TULP2: variants seen among roughly 807,000 people sequenced by gnomAD.
TULP2 encodes the protein TUB like protein 2.
TULP2 carries 64 observed loss-of-function variants against 60.3 expected under a neutral mutation model. The observed-to-expected ratio is 1.06, with a 90% confidence interval of 0.87 to 1.31. The LOEUF (loss-of-function observed/expected upper bound fraction) is 1.31. Among genes scored for constraint, TULP2 ranks in the 50% most tolerant of loss-of-function variants. The pLI is 0.00. For synonymous variants in TULP2, 267 were observed against 265.4 expected (o/e 1.01, Z -0.06); for missense variants, 652 against 667.0 (o/e 0.98, Z 0.25).
At chr19:48,890,883 G>A (rs2037226369) in intron 6 of TULP2, among the ~76,000 whole-genome samples, 1 of 152,082 alleles carries the variant, frequency 6.6e-6, no homozygotes, top group Non-Finnish European at 1.5e-5. Context: ...ATGGGGGGAT[G>A]GAGTTTGGGG....
chr19:48,884,120 G>T, intron 9 of TULP2, 74 bp from the exon 10 acceptor site: 2 of 1,212,306 alleles, frequency 1.6e-6, no homozygotes, highest in East Asian at 2.4e-5. Flanking sequence ...TCATCGCATC[G>T]ACTCTTCCCA....
At chr19:48,895,254 G>A in intron 5 of TULP2, 92 bp from the exon 6 acceptor site, 1 of 1,571,756 alleles carries the variant, frequency 6.4e-7, no homozygotes, top group Middle Eastern at 1.7e-4. Flanking sequence ...GAAGGAGTGG[G>A]TGCGGTCCTG....
chr19:48,895,538 C>A, intron 4 of TULP2, 35 bp from the exon 5 acceptor site: 1 of 1,578,650 alleles, frequency 6.3e-7, no homozygotes, highest in South Asian at 1.1e-5. Context: ...TGAAAACGAT[C>A]TACAAATTCC....
At chr19:48,883,141 C>T (rs1365199057) in intron 11 of TULP2, among the ~76,000 whole-genome samples, 2 of 151,696 alleles carry the variant, frequency 1.3e-5, no homozygotes, top group African/African-American at 4.8e-5. Context: ...ATGGCGTGAG[C>T]CGGGGAGGTC....
At chr19:48,888,622 CCTTTT>C (rs2037205146) in intron 7 of TULP2, among the ~76,000 whole-genome samples, 6 of 152,042 alleles carry the variant, frequency 3.9e-5, no homozygotes, top group Admixed American at 3.9e-4. Flanking sequence ...GCCAGTTGGC[CCTTTT>C]CTTTTATTTT....
chr19:48,887,406 C>G (rs1699340365), intron 8 of TULP2, among the ~76,000 whole-genome samples: 1 of 141,178 alleles, frequency 7.1e-6, no homozygotes, highest in South Asian at 2.3e-4. Flanking sequence ...CTCACTGCAG[C>G]CTTGAACTCC....
Position 48,898,620 on chromosome 19 carries a change from A to G in TULP2, c.-32T>C, listed in dbSNP as rs140543400. 49 of 152,040 alleles carry G rather than the reference A, an allele frequency of 3.2e-4. No individual in the cohort carries two copies. Among genetic ancestry groups the G allele is most frequent in the African/African-American group, 1.2e-3 (48 of 41,446 alleles). The allele number at this position is 152,040 out of a possible 1,614,324, so 9.4% of individuals were successfully genotyped here. On this transcript the variant is annotated 5_prime_UTR_variant, in exon 1 of 13. Transcript: ENST00000221399. The stretch of plus-strand genomic sequence containing the variant: ...CCTCTCTTTGGAAGCTGGGGACCTA[A>G]TCTCGGGATATCTGCGAAATAGGGA...
In TULP2 at chr19:48,895,358, G is replaced by A. The variant is rs976346060; in HGVS notation, c.349+8C>T. 1.2e-6 allele frequency: 2 copies of A among 1,612,950 alleles called. No individual in the cohort carries two copies. The highest frequency in any genetic ancestry group is 3.3e-5 in the Admixed American group (2 of 59,878). On this transcript the variant is annotated splice_region_variant and intron_variant, in intron 5 of 12. Coordinates refer to ENST00000221399, the MANE Select transcript of TULP2 (RefSeq NM_003323.3). Reference sequence around the variant, plus strand: ...TGGGGTCTAGGAGGTCGGTGGACTCGCAAATACCTGCTTCTGTCCGCGGTG... The same window carrying A: ...TGGGGTCTAGGAGGTCGGTGGACTCACAAATACCTGCTTCTGTCCGCGGTG...
rs747949888 is a variant in TULP2 at position 48,881,137 on chromosome 19, A to C, written c.1448-11T>G. The C allele has an allele frequency of 2.5e-6, 4 of 1,599,666 alleles. No homozygotes were observed. The South Asian group carries it at 4.4e-5, about 18-fold the overall frequency. On this transcript the variant is annotated splice_polypyrimidine_tract_variant and intron_variant, in intron 12 of 12. Coordinates refer to ENST00000221399, the MANE Select transcript of TULP2 (RefSeq NM_003323.3). ...GCACCAGATGTTCTTCTGAGAAGTG[A>C]ATCAGGAACAAAGCCTTAGCCTGAC...
At chr19:48,893,226 C>T (rs1187487455) in intron 6 of TULP2, among the ~76,000 whole-genome samples, 3 of 151,928 alleles carry the variant, frequency 2.0e-5, no homozygotes, top group Admixed American at 6.6e-5. Flanking sequence ...AAAAATTAGC[C>T]GAGCATGGTG....
In TULP2 at chr19:48,896,340, A is replaced by C. The variant is rs1372639680; in HGVS notation, c.211+90T>G. ...CATCCACTGCCAAGTCCCCACCCTA[A>C]GGCTCCACCCCTTCATCCACTAGGC... is the stretch of plus-strand genomic sequence containing the variant. On this transcript the variant is annotated intron_variant, in intron 4 of 12. Transcript: ENST00000221399. 5.5e-6 allele frequency: 8 copies of C among 1,465,504 alleles called. No homozygotes were observed. The Admixed American group carries it at 9.5e-5, about 17-fold the overall frequency. 90.8% of individuals were successfully genotyped at this position (1,465,504 alleles called of 1,614,324 possible).
At chr19:48,887,314 T>TTTTTTTTTTTTTTTTTTTC (rs2037189528) in intron 8 of TULP2, among the ~76,000 whole-genome samples, 1 of 23,918 alleles carries the variant, frequency 4.2e-5, no homozygotes, top group Non-Finnish European at 6.3e-5. Flanking sequence ...CCCAGCCCTT[T>TTTTTTTTTTTTTTTTTTTC]TTTTTTTTTT....
chr19:48,891,314 A>C, intron 6 of TULP2, among the ~76,000 whole-genome samples: 2 of 96,120 alleles, frequency 2.1e-5, no homozygotes, highest in African/African-American at 4.7e-5. Context: ...ACAGGGCGAG[A>C]CTCCGTCTCA....
At chr19:48,884,339 G>C (rs1338437873) in intron 9 of TULP2, among the ~76,000 whole-genome samples, 13 of 152,112 alleles carry the variant, frequency 8.5e-5, no homozygotes, top group Non-Finnish European at 1.9e-4. Context: ...CAGCTCTCAA[G>C]AGGCTGAGGT....
At chr19:48,884,101 A>ACACTCTTTG in intron 9 of TULP2, 55 bp from the exon 10 acceptor site, 1 of 1,434,608 alleles carries the variant, frequency 7.0e-7, no homozygotes, top group Non-Finnish European at 9.8e-7. Flanking sequence ...CTCTTTGAGT[A>ACACTCTTTG]AGTGTCACTC....
chr19:48,896,664 C>A, intron 3 of TULP2, 108 bp from the exon 4 acceptor site: 1 of 1,346,266 alleles, frequency 7.4e-7, no homozygotes, highest in Non-Finnish European at 9.8e-7. Context: ...TTCGTGAACC[C>A]CTTCCTCCAC....
At chr19:48,892,761 G>A (rs1178625864) in intron 6 of TULP2, among the ~76,000 whole-genome samples, 6 of 151,972 alleles carry the variant, frequency 3.9e-5, no homozygotes, top group Non-Finnish European at 7.4e-5. Flanking sequence ...AAAGTGCTGG[G>A]ATTACAGGCG....
intron 6 of TULP2, among the ~76,000 whole-genome samples, chr19:48,891,750 C>G (rs1379365536): frequency 6.6e-6 from 1 of 152,142 alleles, no homozygotes; most frequent in Non-Finnish European, 1.5e-5. Flanking sequence ...AGGACCCGCA[C>G]CAGCGCTGAT....
Position 48,889,612 on chromosome 19 carries a change from C to T in TULP2, c.534G>A (p.Glu178=). The change falls in exon 7 of 13, where the codon GAG becomes GAA. Residue 178 remains glutamate, a synonymous_variant. Transcript: ENST00000221399. The stretch of plus-strand genomic sequence containing the variant: ...CATCTCCCATATCCTGGGAGTCACT[C>T]TCACCCTCTGCACGGGTCCCTAATG... ...HQRPGTRAEG[E]SDSQDMGDAH... The T allele has an allele frequency of 6.3e-7, 1 of 1,584,312 alleles. No individual in the cohort carries two copies. Among genetic ancestry groups the T allele is most frequent in the Admixed American group, 1.7e-5 (1 of 59,618 alleles).
Sources: gnomAD v4.1 joint callset for allele counts (sites outside exome capture counted in the v4.1 genomes callset) on GRCh38, gnomAD v4.1.1 for gene constraint, MANE v1.5 for transcripts, NCBI Gene and HGNC (gene_info 2026-07-23, HGNC 2026-07-21) for gene names.